The following UTP18 variants were observed in gnomAD, a reference collection of about 807,000 sequenced individuals.
UTP18 encodes the protein U3 small nucleolar RNA-associated protein 18 homolog.
A neutral mutation model predicts 61.1 loss-of-function variants in UTP18; 36 were observed. That is an observed-to-expected ratio of 0.59 (90% CI 0.45 to 0.78). UTP18 has a LOEUF of 0.78. Ranked by LOEUF, UTP18 falls within the 30% of genes least tolerant of loss-of-function variation. The pLI, the probability that UTP18 is intolerant of heterozygous loss-of-function variation, is 0.00. For missense variants in UTP18, 753 were observed against 693.9 expected (o/e 1.09, Z -0.96); for synonymous variants, 282 against 251.1 (o/e 1.12, Z -1.16).
At chr17:51,280,540 G>A (rs1209341908) in intron 9 of UTP18, 61 bp downstream of exon 9, 6 of 1,541,794 alleles carry the variant, frequency 3.9e-6, no homozygotes, top group Middle Eastern at 1.7e-4. Context: ...TAGGCCAGGC[G>A]CGGTGGCTCA....
At chr17:51,273,598 GT>G (rs36097713) in intron 5 of UTP18, 148 bp downstream of exon 5, 4,185 of 395,336 alleles carry the variant, frequency 0.011, 1 homozygote, top group Middle Eastern at 0.013. Flanking sequence ...TTATGTTATT[GT>G]TTTTTTTTTT....
At chr17:51,295,259 C>T (rs1160998877) in intron 12 of UTP18, among the ~76,000 whole-genome samples, 2 of 152,194 alleles carry the variant, frequency 1.3e-5, no homozygotes, top group African/African-American at 2.4e-5. Flanking sequence ...GTGTTTTAGA[C>T]ATGAAGTCCT....
chr17:51,277,547 A>G (rs983764327), intron 7 of UTP18, among the ~76,000 whole-genome samples: 1 of 152,170 alleles, frequency 6.6e-6, no homozygotes, highest in African/African-American at 2.4e-5. Flanking sequence ...TACACCAGAC[A>G]AGCAATTGCA....
In UTP18 at chr17:51,277,720, T is replaced by C. The variant is rs563380022; in HGVS notation, c.1012+416T>C. 9.2e-5 allele frequency among the ~76,000 whole-genome samples: 14 copies of C among 152,332 alleles called. No individual in the cohort carries two copies. The South Asian group carries it at 2.7e-3, about 29-fold the overall frequency. ...AGTGTTAGTTATAATAAAATTTTGATTTATATTTAAAGGGAATAAAGCACT... is the reference window on the plus strand; with the variant it reads ...AGTGTTAGTTATAATAAAATTTTGACTTATATTTAAAGGGAATAAAGCACT... On this transcript the variant is annotated intron_variant, in intron 7 of 13. Transcript: ENST00000225298.
At position 51,260,890 on chromosome 17, in the gene UTP18, C is replaced by T. The variant is rs370056458; in HGVS notation, c.306C>T (p.Asp102=). ...EELVFGDVEN[D]EDALLRRLRG... ...TGGTCTTCGGCGACGTCGAGAACGA[C>T]GAGGACGCGTTGCTGCGGCGTCTGC... Residue 102 remains aspartate, a synonymous_variant, in exon 1 of 14, where the codon GAC becomes GAT. Transcript: ENST00000225298. 28 of 1,598,662 alleles carry T rather than the reference C, an allele frequency of 1.8e-5. No homozygotes were observed. The African/African-American group carries it at 2.6e-4, about 15-fold the overall frequency.
rs1360867606 is a variant in UTP18, at chr17:51,280,055, T to G, written c.1063T>G (p.Phe355Val). 2 of 1,613,966 alleles carry G rather than the reference T, an allele frequency of 1.2e-6. No homozygotes were observed. The highest frequency in any genetic ancestry group is 1.7e-6 in the Non-Finnish European group (2 of 1,179,980). Residue 355 changes from phenylalanine to valine, a missense_variant, in exon 8 of 14, where the codon TTC becomes GTC. Phe to Val is a conservative substitution (Grantham distance 50). Coordinates refer to ENST00000225298, the MANE Select transcript of UTP18 (RefSeq NM_016001.3). ...RSFEVSPDGS[F>V]LLINGIAGYL... Reference sequence around the variant, plus strand: ...CTTTGAAGTCTCCCCAGATGGGTCCTTCTTGCTCATAAATGGCATTGCTGG... The same window carrying G: ...CTTTGAAGTCTCCCCAGATGGGTCCGTCTTGCTCATAAATGGCATTGCTGG...
chr17:51,266,336 C>T (rs1238870541), intron 3 of UTP18, 56 bp downstream of exon 3: 20 of 1,250,174 alleles, frequency 1.6e-5, no homozygotes, highest in Non-Finnish European at 2.2e-5. Context: ...AATGCCCAGT[C>T]ATTAACCGTA....
At chr17:51,280,514 T>C (rs1015615378) in intron 9 of UTP18, 35 bp downstream of exon 9, 3 of 1,608,566 alleles carry the variant, frequency 1.9e-6, no homozygotes, top group Non-Finnish European at 2.6e-6. Context: ...TAAGGATATT[T>C]TTACATTTTA....
chr17:51,280,284 T>C (rs993435247), intron 8 of UTP18, 105 bp from the exon 9 acceptor site: 1 of 1,372,696 alleles, frequency 7.3e-7, no homozygotes, highest in African/African-American at 1.5e-5. Context: ...AAAAATAAAG[T>C]TGAGTAGGTG....
chr17:51,275,159 T>A (rs1373468760), intron 5 of UTP18, among the ~76,000 whole-genome samples: 1 of 149,952 alleles, frequency 6.7e-6, no homozygotes, highest in African/African-American at 2.5e-5. Flanking sequence ...ATTACGCCAT[T>A]GCCCTCCAGC....
chr17:51,295,743 A>T (rs1905353064), intron 12 of UTP18, among the ~76,000 whole-genome samples: 1 of 152,182 alleles, frequency 6.6e-6, no homozygotes, highest in Admixed American at 6.5e-5. Context: ...GAAGAAAGTC[A>T]TTGGTAGCTT....
chr17:51,270,093 A>G (rs1053018294), intron 4 of UTP18, among the ~76,000 whole-genome samples: 16 of 152,078 alleles, frequency 1.1e-4, no homozygotes, highest in Admixed American at 4.6e-4. Context: ...TGGCCTTCCA[A>G]AGTGTTGGGA....
intron 5 of UTP18, among the ~76,000 whole-genome samples, chr17:51,273,872 T>C (rs1030188852): frequency 3.3e-5 from 5 of 152,222 alleles, no homozygotes; most frequent in African/African-American, 1.2e-4. Context: ...CATATTGCAG[T>C]AGCTTTGTGA....
At chr17:51,278,353 C>CATCTTCTCAT (rs1294122144) in intron 7 of UTP18, among the ~76,000 whole-genome samples, 1 of 152,144 alleles carries the variant, frequency 6.6e-6, no homozygotes, top group Non-Finnish European at 1.5e-5. Context: ...AGTCTTAAAC[C>CATCTTCTCAT]ATCTTCTCAT....
intron 12 of UTP18, chr17:51,296,472 C>T (rs1334670193): frequency 6.6e-6 from 1 of 152,546 alleles, no homozygotes; most frequent in Non-Finnish European, 1.5e-5. Flanking sequence ...ATAATTTCAT[C>T]AGTCTCATTT....
rs1904704985 is a variant in UTP18, at chr17:51,275,899, C to A, written c.745C>A (p.Pro249Thr). The A allele has an allele frequency of 6.2e-7, 1 of 1,610,570 alleles. No homozygotes were observed. The highest frequency in any genetic ancestry group is 8.5e-7 in the Non-Finnish European group (1 of 1,178,954). ...CTGCCAGCATGCGAATGCTGAACGTCCTACTGTTGCTCGGATCTCATCTGT... is the reference window on the plus strand; with the variant it reads ...CTGCCAGCATGCGAATGCTGAACGTACTACTGTTGCTCGGATCTCATCTGT... ...KNCQHANAER[P>T]TVARISSVQF... Residue 249 changes from proline to threonine, a missense_variant, in exon 6 of 14, where the codon CCT becomes ACT. Pro to Thr is a conservative substitution (Grantham distance 38). Transcript: ENST00000225298.
rs1289356293 is a variant in UTP18 at position 51,268,847 on chromosome 17, G to T, written c.565G>T (p.Ala189Ser). The T allele has an allele frequency of 5.0e-6, 8 of 1,613,842 alleles. No individual in the cohort carries two copies. Among genetic ancestry groups the T allele is most frequent in the Non-Finnish European group, 6.8e-6 (8 of 1,179,824 alleles). The change falls in exon 4 of 14, where the codon GCC becomes TCC. Residue 189 changes from alanine (A) to serine (S), a missense_variant. Transcript: ENST00000225298. ...AATATTTTTGCTTAGATTCCAACAT[G>T]CCATGGGAGGAGTACCTGCCTGGGC... ...KKRLKEEFQHAMGGVPAWAET... is the reference protein window; with the variant it reads ...KKRLKEEFQHSMGGVPAWAET...
At chr17:51,267,983 C>G (rs1420890495) in intron 3 of UTP18, among the ~76,000 whole-genome samples, 1 of 151,256 alleles carries the variant, frequency 6.6e-6, no homozygotes, top group African/African-American at 2.4e-5. Context: ...CTTCCAGGTA[C>G]CAGTTGTTGT....
chr17:51,278,095 A>T (rs2144417285), intron 7 of UTP18, among the ~76,000 whole-genome samples: 1 of 152,310 alleles, frequency 6.6e-6, no homozygotes, highest in African/African-American at 2.4e-5. Flanking sequence ...AGAAACATTT[A>T]TGATGTTTAT....
Sources: allele counts gnomAD v4.1 joint callset (sites outside exome capture counted in the v4.1 genomes callset), GRCh38; gene constraint gnomAD v4.1.1; transcripts MANE v1.5; gene names NCBI Gene and HGNC (gene_info 2026-07-23, HGNC 2026-07-21).